Variants in PSMB6 observed in about 807,000 individuals in gnomAD.
PSMB6 encodes the protein proteasome subunit beta type-6.
In PSMB6, 11 loss-of-function variants were observed where a neutral mutation model predicts 28.2. The ratio of observed to expected loss-of-function variants is 0.39; its 90% CI spans 0.25 to 0.65. The LOEUF is 0.65. PSMB6 is among the 30% of genes least tolerant of loss of function. The probability of loss-of-function intolerance (pLI) is 0.48; values close to 1 mark genes in which losing one functional copy is unlikely to be tolerated. For synonymous variants in PSMB6, 126 were observed against 117.7 expected (o/e 1.07, Z -0.45); for missense variants, 268 against 319.4 (o/e 0.84, Z 1.23).
rs1905382941 is a variant in PSMB6, at chr17:4,797,733, G to A, written c.354G>A (p.Lys118=). The A allele has an allele frequency of 1.2e-6, 2 of 1,614,070 alleles. No individual in the cohort carries two copies. The highest frequency in any genetic ancestry group is 1.3e-5 in the African/African-American group (1 of 74,926). Residue 118 remains lysine, a synonymous_variant, in exon 4 of 6, where the codon AAG becomes AAA. Transcript: ENST00000270586. ...TCCACACAGCAGCCAGCCTCTTTAA[G>A]GAGATGTGTTACCGATACCGGGAAG... ...PLVHTAASLF[K]EMCYRYREDL...
Position 4,798,016 on chromosome 17 carries a change from C to T in PSMB6, c.440C>T (p.Ser147Leu). ...WDPQEGGQVY[S>L]VPMGGMMVRQ... ...TCTCCTTCTATCTGGCAGGTGTACT[C>T]AGTGCCTATGGGGGGTATGATGGTA... The change falls in exon 5 of 6, where the codon TCA becomes TTA. Residue 147 changes from serine (S) to leucine (L), a missense_variant. By Grantham distance (145) the Ser-to-Leu change is moderately radical. Coordinates refer to ENST00000270586, the MANE Select transcript of PSMB6 (RefSeq NM_002798.3). 1.2e-6 allele frequency: 2 copies of T among 1,614,160 alleles called. No homozygotes were observed. The highest frequency in any genetic ancestry group is 1.7e-6 in the Non-Finnish European group (2 of 1,180,010).
intron 5 of PSMB6, 47 bp downstream of exon 5, chr17:4,798,200 C>G (rs1009513784): frequency 6.2e-7 from 1 of 1,613,094 alleles, no homozygotes; most frequent in Non-Finnish European, 8.5e-7. Context: ...CCCAACTACC[C>G]AAGCCAGGCC....
intron 4 of PSMB6, 62 bp from the exon 5 acceptor site, chr17:4,797,947 G>A (rs1335649650): frequency 1.2e-6 from 2 of 1,608,358 alleles, no homozygotes; most frequent in Non-Finnish European, 1.7e-6. Context: ...AGAATGGACA[G>A]GTGAATGTAC....
At chr17:4,798,190 C>G in intron 5 of PSMB6, 37 bp downstream of exon 5, 1 of 1,613,568 alleles carries the variant, frequency 6.2e-7, no homozygotes, top group Non-Finnish European at 8.5e-7. Flanking sequence ...GAGCTTCAAC[C>G]CCAACTACCC....
rs747089611 is a variant in PSMB6 at position 4,796,813 on chromosome 17, T to C, written c.170+18T>C. 5.1e-6 allele frequency: 8 copies of C among 1,567,114 alleles called. No homozygotes were observed. Among genetic ancestry groups the C allele is most frequent in the Non-Finnish European group, 6.2e-6 (7 of 1,137,948 alleles). On this transcript the variant is annotated intron_variant, in intron 2 of 5. Transcript: ENST00000270586. ...ACCACTGGGTGAGCTCAGGACAGATTTGTGAAAGGTCTTCCCATCTTCCTT... is the reference window on the plus strand; with the variant it reads ...ACCACTGGGTGAGCTCAGGACAGATCTGTGAAAGGTCTTCCCATCTTCCTT...
rs1853189646 is a variant in PSMB6, at chr17:4,797,686, G to A, written c.307G>A (p.Glu103Lys). 2.5e-6 allele frequency: 4 copies of A among 1,613,926 alleles called. No homozygotes were observed. Among genetic ancestry groups the A allele is most frequent in the Non-Finnish European group, 2.5e-6 (3 of 1,179,992 alleles). Residue 103 changes from glutamate to lysine, a missense_variant, in exon 4 of 6, where the codon GAA becomes AAA. Glu to Lys is a moderately conservative substitution (Grantham distance 56). Transcript: ENST00000270586. Reference sequence around the variant, plus strand: ...GTGACTTCCCTGACCCTCTAGCATTGAACTGAATGAGCCTCCACTGGTCCA... The same window carrying A: ...GTGACTTCCCTGACCCTCTAGCATTAAACTGAATGAGCCTCCACTGGTCCA... ...VTYQLGFHSIELNEPPLVHTA... is the reference protein window; with the variant it reads ...VTYQLGFHSIKLNEPPLVHTA...
Position 4,796,813 on chromosome 17 carries a change from T to A in PSMB6, c.170+18T>A, listed in dbSNP as rs747089611. 132 of 1,567,232 alleles carry A rather than the reference T, an allele frequency of 8.4e-5. 2 individuals carry two copies. In the Admixed American group the frequency reaches 2.2e-3, roughly 26 times the overall value. ...ACCACTGGGTGAGCTCAGGACAGATTTGTGAAAGGTCTTCCCATCTTCCTT... is the reference window on the plus strand; with the variant it reads ...ACCACTGGGTGAGCTCAGGACAGATATGTGAAAGGTCTTCCCATCTTCCTT... On this transcript the variant is annotated intron_variant, in intron 2 of 5. Coordinates refer to ENST00000270586, the MANE Select transcript of PSMB6 (RefSeq NM_002798.3).
rs1339549445 is a variant in PSMB6, at chr17:4,797,484, G to A, written c.217G>A (p.Asp73Asn). 2.5e-6 allele frequency: 4 copies of A among 1,602,440 alleles called. No homozygotes were observed. The highest frequency in any genetic ancestry group is 2.7e-5 in the African/African-American group (2 of 74,684). ...RVTDKLTPIH[D>N]RIFCCRSGSA... The stretch of plus-strand genomic sequence containing the variant: ...GACTGACAAGCTGACACCTATTCAC[G>A]ACCGCATTTTCTGCTGTCGCTCAGG... The change falls in exon 3 of 6, where the codon GAC becomes AAC. Residue 73 changes from aspartate (D) to asparagine (N), a missense_variant. Coordinates refer to ENST00000270586, the MANE Select transcript of PSMB6 (RefSeq NM_002798.3).
rs549485479 is a variant in PSMB6 at position 4,797,171 on chromosome 17, C to T, written c.171-267C>T. 396 of 461,692 alleles carry T rather than the reference C, an allele frequency of 8.6e-4. 3 individuals carry two copies. Among genetic ancestry groups the T allele is most frequent in the Non-Finnish European group, 9.8e-4 (257 of 262,750 alleles). 28.6% of individuals were successfully genotyped at this position (461,692 alleles called of 1,614,324 possible). A position where few individuals can be genotyped will look rare whatever the true frequency, so the allele number is the denominator to read the frequency against. ...TCTACTAAAAAATACAAAAATTAGC[C>T]GTGCGTGGCGGTGCGTGCCTGCAGT... On this transcript the variant is annotated intron_variant, in intron 2 of 5. Transcript: ENST00000270586.
chr17:4,796,829 C>T (rs1408602951), intron 2 of PSMB6, 34 bp downstream of exon 2: 5 of 1,539,022 alleles, frequency 3.2e-6, no homozygotes, highest in Non-Finnish European at 4.5e-6. Flanking sequence ...AAGGTCTTCC[C>T]ATCTTCCTTT....
At chr17:4,797,052 G>C (rs1905350844) in intron 2 of PSMB6, 5 of 499,676 alleles carry the variant, frequency 1.0e-5, no homozygotes, top group Admixed American at 3.7e-5. Context: ...GGTGGCTCAC[G>C]CCTGTAATCC....
At position 4,797,783 on chromosome 17, in the gene PSMB6, C is replaced by G; in HGVS notation, c.404C>G (p.Ala135Gly). 1 of 1,614,134 alleles carries G rather than the reference C, an allele frequency of 6.2e-7. No individual in the cohort carries two copies. The highest frequency in any genetic ancestry group is 1.7e-4 in the Middle Eastern group (1 of 6,058). The change falls in exon 4 of 6, where the codon GCA becomes GGA. Residue 135 changes from alanine to glycine, a missense_variant. By Grantham distance (60) the Ala-to-Gly change is moderately conservative. Coordinates refer to ENST00000270586, the MANE Select transcript of PSMB6 (RefSeq NM_002798.3). ...REDLMAGIII[A>G]GWDPQEGGQV... is the part of the protein sequence containing the mutation. ...GACCTGATGGCGGGAATCATCATCG[C>G]AGGCTGGGACCCTCAAGAAGGAGGG... is the stretch of plus-strand genomic sequence containing the variant.
At position 4,797,943 on chromosome 17, in the gene PSMB6, G is replaced by A. The variant is rs1325051107; in HGVS notation, c.433-66G>A. ...CGTGCCTCAGACCAATAGCAGAATG[G>A]ACAGGTGAATGTACGTGTGTTGGAG... On this transcript the variant is annotated intron_variant, in intron 4 of 5. Coordinates refer to ENST00000270586, the MANE Select transcript of PSMB6 (RefSeq NM_002798.3). The A allele has an allele frequency of 7.5e-6, 12 of 1,606,738 alleles. No individual in the cohort carries two copies. The East Asian group carries it at 2.7e-4, about 36-fold the overall frequency.
chr17:4,796,447 G>A (rs900938047), intron 1 of PSMB6, 151 bp downstream of exon 1: 30 of 741,568 alleles, frequency 4.0e-5, no homozygotes, highest in Non-Finnish European at 6.7e-5. Context: ...CGAAGATGGT[G>A]GAGTGGTGCG....
chr17:4,798,380 C>G lies in PSMB6; in HGVS notation c.678C>G (p.Asp226Glu). ...TAGAGCGGCAAGTACTTTTGGGAGACCAGATACCCAAATTCGCCGTTGCCA... is the reference window on the plus strand; with the variant it reads ...TAGAGCGGCAAGTACTTTTGGGAGAGCAGATACCCAAATTCGCCGTTGCCA... ...SGVERQVLLG[D>E]QIPKFAVATL... is the part of the protein sequence containing the mutation. Residue 226 changes from aspartate (D) to glutamate (E), a missense_variant, in exon 6 of 6, where the codon GAC becomes GAG. Asp to Glu is a conservative substitution (Grantham distance 45). Coordinates refer to ENST00000270586, the MANE Select transcript of PSMB6 (RefSeq NM_002798.3). The G allele has an allele frequency of 6.2e-7, 1 of 1,614,214 alleles. No homozygotes were observed. The highest frequency in any genetic ancestry group is 8.5e-7 in the Non-Finnish European group (1 of 1,180,030).
chr17:4,796,623 G>T, intron 1 of PSMB6, 105 bp from the exon 2 acceptor site: 5 of 1,105,442 alleles, frequency 4.5e-6, no homozygotes, highest in South Asian at 1.2e-5. Flanking sequence ...ATTTGAAAAT[G>T]GTTCAGCGAC....
At position 4,797,437 on chromosome 17, in the gene PSMB6, G is replaced by C. The variant is rs766819249; in HGVS notation, c.171-1G>C. ...TTCCTCACTATTCTGCCATCCTGCA[G>C]GTCCTACATCGCCAATCGAGTGACT... On this transcript the variant is annotated splice_acceptor_variant, in intron 2 of 5. Coordinates refer to ENST00000270586, the MANE Select transcript of PSMB6 (RefSeq NM_002798.3). LOFTEE classifies it high-confidence loss of function. 1 of 1,557,078 alleles carries C rather than the reference G, an allele frequency of 6.4e-7. No homozygotes were observed. The highest frequency in any genetic ancestry group is 8.7e-7 in the Non-Finnish European group (1 of 1,148,932).
intron 2 of PSMB6, chr17:4,797,091 A>T (rs1014680839): frequency 4.3e-4 from 188 of 437,640 alleles, no homozygotes; most frequent in Non-Finnish European, 6.8e-4. Context: ...AGGCGGGTGG[A>T]TCACCTGAGG....
At chr17:4,797,269 C>T (rs530651452) in intron 2 of PSMB6, 169 bp from the exon 3 acceptor site, 73 of 773,154 alleles carry the variant, frequency 9.4e-5, no homozygotes, top group East Asian at 8.1e-4. Flanking sequence ...GAGCAGAGAT[C>T]GCGTCACTGT....
Sources: gnomAD v4.1 joint callset for allele counts on GRCh38, gnomAD v4.1.1 for gene constraint, MANE v1.5 for transcripts, NCBI Gene and HGNC (gene_info 2026-07-23, HGNC 2026-07-21) for gene names.